The following BMPR2 variants were observed in gnomAD, a reference collection of about 807,000 sequenced individuals.
BMPR2 encodes the protein bone morphogenetic protein receptor type-2.
Under a neutral mutation model 100.8 loss-of-function variants are expected in BMPR2, and 29 were observed. That is an observed-to-expected ratio of 0.29 (90% CI 0.21 to 0.39). The LOEUF (loss-of-function observed/expected upper bound fraction) is 0.39, where lower values mean the gene tolerates loss of function less well. Ranked by LOEUF, BMPR2 falls within the 10% of genes least tolerant of loss-of-function variation. The pLI is 1.00. For missense variants in BMPR2, 1,011 were observed against 1,274.5 expected (o/e 0.79, Z 3.15); for synonymous variants, 382 against 442.3 (o/e 0.86, Z 1.71).
rs1431563196 is a variant in BMPR2, at chr2:202,556,275, A to G, written c.2610A>G (p.Leu870=). ...CCAGTCCTGATGAGCATGAGCCTTT[A>G]CTGAGACGAGAGCAACAAGCTGGCC... The part of the protein sequence containing the change: ...INSSPDEHEP[L]LRREQQAGHD... Residue 870 remains leucine, a synonymous_variant, in exon 12 of 13, where the codon TTA becomes TTG. Coordinates refer to ENST00000374580, the MANE Select transcript of BMPR2 (RefSeq NM_001204.7). The G allele has an allele frequency of 1.9e-6, 3 of 1,614,218 alleles. No individual in the cohort carries two copies. In the East Asian group the frequency reaches 6.7e-5, roughly 36 times the overall value.
intron 1 of BMPR2, among the ~76,000 whole-genome samples, chr2:202,441,830 C>G (rs1470971729): frequency 6.7e-6 from 1 of 149,320 alleles, no homozygotes; most frequent in Non-Finnish European, 1.5e-5. Flanking sequence ...GTCAGGAGTT[C>G]GAGACCAGTC....
chr2:202,534,431 G>A lies in BMPR2; in HGVS notation c.1276+1699G>A, dbSNP rs544635562. 6.1e-3 allele frequency among the ~76,000 whole-genome samples: 918 copies of A among 151,668 alleles called. 4 individuals are homozygous for A. The highest frequency in any genetic ancestry group is 0.014 in the Middle Eastern group (4 of 294). On this transcript the variant is annotated intron_variant, in intron 9 of 12. Transcript: ENST00000374580. ...GCCTTCCGCAGTGTTTGTGTCCCTG[G>A]GTACTTGAGATTAGGGAGTGGTGAT...
rs187184740 is a variant in BMPR2 at position 202,547,616 on chromosome 2, C to T, written c.1414-5100C>T. Among the ~76,000 whole-genome samples, 53 of 151,236 alleles carry T rather than the reference C, an allele frequency of 3.5e-4. 1 individual carries two copies. The highest frequency in any genetic ancestry group is 8.6e-4 in the Admixed American group (13 of 15,106). On this transcript the variant is annotated intron_variant, in intron 10 of 12. Transcript: ENST00000374580. ...TGGCCAACATGGTGAAACCCCATCT[C>T]TACTAAAAATACAAAAATGAGCTGG...
At chr2:202,521,289 G>A (rs528474529) in intron 7 of BMPR2, among the ~76,000 whole-genome samples, 8 of 152,330 alleles carry the variant, frequency 5.3e-5, no homozygotes, top group Admixed American at 6.5e-5. Context: ...CAGCCCGGGC[G>A]TGATTGATGG....
At chr2:202,400,313 T>C (rs1690745828) in intron 1 of BMPR2, among the ~76,000 whole-genome samples, 1 of 150,310 alleles carries the variant, frequency 6.7e-6, no homozygotes, top group Non-Finnish European at 1.5e-5. Context: ...AGCTAATTTT[T>C]TTTTTTTTTT....
intron 1 of BMPR2, among the ~76,000 whole-genome samples, chr2:202,417,753 C>G (rs1691165806): frequency 6.6e-6 from 1 of 150,604 alleles, no homozygotes; most frequent in Admixed American, 6.6e-5. Context: ...GCGTCTCACT[C>G]TGTCACCCAG....
At chr2:202,454,259 T>G (rs1468442752) in intron 1 of BMPR2, among the ~76,000 whole-genome samples, 1 of 151,906 alleles carries the variant, frequency 6.6e-6, no homozygotes, top group Non-Finnish European at 1.5e-5. Flanking sequence ...TTGGTAGAGA[T>G]AGGGTTTTGC....
At chr2:202,423,586 T>C (rs1691315251) in intron 1 of BMPR2, among the ~76,000 whole-genome samples, 1 of 150,500 alleles carries the variant, frequency 6.6e-6, no homozygotes, top group Non-Finnish European at 1.5e-5. Context: ...CCCTTTTCTG[T>C]CTCTACAAAA....
chr2:202,464,988 T>A lies in BMPR2; in HGVS notation c.247+9T>A. On this transcript the variant is annotated intron_variant, in intron 2 of 12. Coordinates refer to ENST00000374580, the MANE Select transcript of BMPR2 (RefSeq NM_001204.7). ...AAATCTTGTAAAACAAGGCAAGTGA[T>A]ACTTTCCTTACCTGAAATGACTGTG... 1 of 1,613,576 alleles carries A rather than the reference T, an allele frequency of 6.2e-7. No individual in the cohort carries two copies. Among genetic ancestry groups the A allele is most frequent in the Non-Finnish European group, 8.5e-7 (1 of 1,179,518 alleles).
At chr2:202,552,676 T>G in intron 10 of BMPR2, 40 bp from the exon 11 acceptor site, 1 of 1,612,122 alleles carries the variant, frequency 6.2e-7, no homozygotes, top group Non-Finnish European at 8.5e-7. Context: ...ACATTTTTTT[T>G]TTTAAAGACA....
intron 3 of BMPR2, among the ~76,000 whole-genome samples, chr2:202,475,837 A>C (rs1291711235): frequency 3.9e-5 from 6 of 152,028 alleles, no homozygotes; most frequent in Admixed American, 1.3e-4. Flanking sequence ...TTGGGAGGCC[A>C]AAGTGGGCAG....
At chr2:202,419,487 G>C (rs1691211701) in intron 1 of BMPR2, among the ~76,000 whole-genome samples, 2 of 152,254 alleles carry the variant, frequency 1.3e-5, no homozygotes, top group South Asian at 4.1e-4. Context: ...CTCCTGAGTA[G>C]CTGGGATTAC....
At position 202,376,709 on chromosome 2, in the gene BMPR2, CCT is replaced by C. The variant is rs1416652261; in HGVS notation, c.-762_-761del. ...CCGCCGGGAGGACTAGAAGGGGCAG[CCT>C]CTCACACCCACTCCGCCTGCCGTCT... On this transcript the variant is annotated 5_prime_UTR_variant, in exon 1 of 13. Coordinates refer to ENST00000374580, the MANE Select transcript of BMPR2 (RefSeq NM_001204.7). Among the ~76,000 whole-genome samples the C allele has an allele frequency of 6.6e-6, 1 of 150,592 alleles. No individual in the cohort carries two copies. Among genetic ancestry groups the C allele is most frequent in the Non-Finnish European group, 1.5e-5 (1 of 67,700 alleles).
chr2:202,391,855 G>T (rs908505633), intron 1 of BMPR2, among the ~76,000 whole-genome samples: 1 of 151,610 alleles, frequency 6.6e-6, no homozygotes, highest in African/African-American at 2.4e-5. Flanking sequence ...TCCGCCTCCC[G>T]GGTTCAAGCG....
chr2:202,469,121 C>G (rs541284775), intron 3 of BMPR2, among the ~76,000 whole-genome samples: 1 of 152,316 alleles, frequency 6.6e-6, no homozygotes, highest in Admixed American at 6.5e-5. Flanking sequence ...ACCTCTGCCT[C>G]CCAGGTTCAA....
At chr2:202,551,898 C>G (rs954849906) in intron 10 of BMPR2, among the ~76,000 whole-genome samples, 1 of 147,284 alleles carries the variant, frequency 6.8e-6, no homozygotes, top group African/African-American at 2.5e-5. Flanking sequence ...GAGTCTCACT[C>G]TGTCGCCCAG....
intron 3 of BMPR2, among the ~76,000 whole-genome samples, chr2:202,490,516 C>A (rs1257526543): frequency 2.0e-5 from 3 of 152,118 alleles, no homozygotes; most frequent in Non-Finnish European, 4.4e-5. Flanking sequence ...CCAAAATGTA[C>A]CCACAATGAT....
chr2:202,419,000 C>G (rs888476697), intron 1 of BMPR2, among the ~76,000 whole-genome samples: 1 of 152,098 alleles, frequency 6.6e-6, no homozygotes, highest in Admixed American at 6.5e-5. Context: ...GATGTTATGT[C>G]AGAGTCAGGT....
chr2:202,558,837 G>A (rs1303686483), intron 12 of BMPR2, among the ~76,000 whole-genome samples: 3 of 147,280 alleles, frequency 2.0e-5, no homozygotes, highest in African/African-American at 7.5e-5. Context: ...AGGTTGCGGT[G>A]AGCCGAGATC....
Sources: allele counts gnomAD v4.1 joint callset (sites outside exome capture counted in the v4.1 genomes callset), GRCh38; gene constraint gnomAD v4.1.1; transcripts MANE v1.5; gene names NCBI Gene and HGNC (gene_info 2026-07-23, HGNC 2026-07-21).